The following TMPRSS11F variants were observed in gnomAD, a reference collection of about 807,000 sequenced individuals.
TMPRSS11F encodes transmembrane protease serine 11F.
TMPRSS11F carries 47 observed loss-of-function variants against 60.2 expected under a neutral mutation model. The observed-to-expected ratio is 0.78, with a 90% CI of 0.62 to 1.00. TMPRSS11F has a LOEUF of 1.00. Among genes scored for constraint, TMPRSS11F ranks in the 50% least tolerant of loss-of-function variants. The pLI is 0.00. For missense variants in TMPRSS11F, 519 were observed against 522.9 expected, an observed-to-expected ratio of 0.99 and a Z score of 0.07; for synonymous variants, 166 against 167.3, an observed-to-expected ratio of 0.99 and a Z score of 0.06.
chr4:68,090,204 T>C (rs985441550), intron 3 of TMPRSS11F, among the ~76,000 whole-genome samples: 3 of 152,144 alleles, frequency 2.0e-5, no homozygotes, highest in Non-Finnish European at 4.4e-5. Context: ...TCTATATTCT[T>C]ATGTTAAAAA....
At chr4:68,112,250 A>C (rs373128186) in intron 1 of TMPRSS11F, among the ~76,000 whole-genome samples, 12 of 152,146 alleles carry the variant, frequency 7.9e-5, no homozygotes, top group Middle Eastern at 6.8e-3. Context: ...ACATGCCCCC[A>C]CACTTAACTG....
chr4:68,082,082 A>G (rs1347388020), intron 3 of TMPRSS11F, among the ~76,000 whole-genome samples: 1 of 152,180 alleles, frequency 6.6e-6, no homozygotes, highest in Non-Finnish European at 1.5e-5. Flanking sequence ...GAGTTGATAG[A>G]GAGGCAATGC....
intron 3 of TMPRSS11F, among the ~76,000 whole-genome samples, chr4:68,085,757 A>T (rs1560401232): frequency 6.6e-6 from 1 of 152,188 alleles, no homozygotes; most frequent in Admixed American, 6.5e-5. Context: ...AACAAAAAGC[A>T]GCAAGAACGG....
rs749395360 is a variant in TMPRSS11F, at chr4:68,063,253, CACCTT to C, written c.1015+1427_1015+1431del. On this transcript the variant is annotated intron_variant, in intron 8 of 9. Coordinates refer to ENST00000356291, the MANE Select transcript of TMPRSS11F (RefSeq NM_207407.2). ...TCATGTACTCCACAGGTTCTCTCTCCACCTTCAATCGCCATGATGAGCTCACCATG... is the reference window on the plus strand; with the variant it reads ...TCATGTACTCCACAGGTTCTCTCTCCCAATCGCCATGATGAGCTCACCATG... 1.9e-5 allele frequency: 11 copies of C among 571,280 alleles called. No homozygotes were observed. In the East Asian group the frequency reaches 3.7e-4, roughly 19 times the overall value. The allele number at this position is 571,280 out of a possible 1,614,324, so 35.4% of individuals were successfully genotyped here.
intron 1 of TMPRSS11F, among the ~76,000 whole-genome samples, chr4:68,115,356 CAAAAAAA>C (rs57550471): frequency 8.0e-5 from 6 of 74,690 alleles, no homozygotes; most frequent in Admixed American, 1.8e-4. Context: ...GACACCATCT[CAAAAAAA>C]AAAAAAAAAA....
chr4:68,065,041 T>C (rs968025830), intron 7 of TMPRSS11F, 97 bp from the exon 8 acceptor site: 315 of 1,238,504 alleles, frequency 2.5e-4, no homozygotes, highest in Non-Finnish European at 3.2e-4. Context: ...ATTATGCTCC[T>C]GAAACATTCT....
chr4:68,086,054 C>T (rs1195955728), intron 3 of TMPRSS11F, among the ~76,000 whole-genome samples: 1 of 152,120 alleles, frequency 6.6e-6, no homozygotes, highest in Non-Finnish European at 1.5e-5. Flanking sequence ...CAGAATACTA[C>T]ACCCAACAAC....
At chr4:68,057,978 T>C (rs942630857) in intron 9 of TMPRSS11F, among the ~76,000 whole-genome samples, 3 of 152,196 alleles carry the variant, frequency 2.0e-5, no homozygotes, top group Non-Finnish European at 4.4e-5. Flanking sequence ...GAAAGACATA[T>C]ACTACATCAT....
chr4:68,055,403 G>A (rs940618921), intron 9 of TMPRSS11F, among the ~76,000 whole-genome samples: 4 of 152,146 alleles, frequency 2.6e-5, no homozygotes, highest in African/African-American at 9.7e-5. Flanking sequence ...TAGTTGTCTG[G>A]TCAAGGGAGG....
At chr4:68,087,878 C>T (rs1196148211) in intron 3 of TMPRSS11F, among the ~76,000 whole-genome samples, 1 of 114,328 alleles carries the variant, frequency 8.7e-6, no homozygotes, top group Non-Finnish European at 1.7e-5. Flanking sequence ...CCTCCCCCCA[C>T]CCCACAACAG....
intron 8 of TMPRSS11F, among the ~76,000 whole-genome samples, chr4:68,063,563 T>G (rs1723251806): frequency 6.6e-6 from 1 of 152,032 alleles, no homozygotes; most frequent in Admixed American, 6.5e-5. Context: ...GTATTTTTAG[T>G]AGAGACGGAG....
chr4:68,061,568 C>A (rs1197166984), intron 8 of TMPRSS11F, among the ~76,000 whole-genome samples: 1 of 152,146 alleles, frequency 6.6e-6, no homozygotes, highest in African/African-American at 2.4e-5. Flanking sequence ...CTGCTTTAGG[C>A]AGTGTTGGTT....
At chr4:68,108,984 T>C (rs1407488109) in intron 1 of TMPRSS11F, among the ~76,000 whole-genome samples, 1 of 152,196 alleles carries the variant, frequency 6.6e-6, no homozygotes, top group African/African-American at 2.4e-5. Context: ...AACACTACCA[T>C]AATGTTGTCT....
intron 9 of TMPRSS11F, among the ~76,000 whole-genome samples, chr4:68,057,731 C>A (rs1235269159): frequency 6.6e-6 from 1 of 151,982 alleles, no homozygotes; most frequent in Non-Finnish European, 1.5e-5. Flanking sequence ...AGAAGACATA[C>A]AAATGACCAT....
At chr4:68,115,008 A>AG (rs1724486204) in intron 1 of TMPRSS11F, among the ~76,000 whole-genome samples, 1 of 149,772 alleles carries the variant, frequency 6.7e-6, no homozygotes, top group Admixed American at 6.6e-5. Flanking sequence ...AAAAAAAAAA[A>AG]AAAAGAAGAA....
intron 3 of TMPRSS11F, among the ~76,000 whole-genome samples, chr4:68,074,724 T>A (rs1449938862): frequency 6.6e-6 from 1 of 152,200 alleles, no homozygotes; most frequent in Non-Finnish European, 1.5e-5. Context: ...CCATTGGAAA[T>A]TTTTCAGTAT....
Position 68,053,986 on chromosome 4 carries a change from C to T in TMPRSS11F, c.1240G>A (p.Ala414Thr). The T allele has an allele frequency of 6.2e-7, 1 of 1,612,982 alleles. No individual in the cohort carries two copies. Among genetic ancestry groups the T allele is most frequent in the Non-Finnish European group, 8.5e-7 (1 of 1,179,408 alleles). Reference protein sequence around the residue: ...VGIVSWGQSCALPKKPGVYTR... With the variant: ...VGIVSWGQSCTLPKKPGVYTR... ...TAGACTCCAGGTTTTTTGGGAAGTG[C>T]ACATGATTGTCCCCAACTTACTATA... The change falls in exon 10 of 10, where the codon GCA (alanine) becomes ACA (threonine). Residue 414 changes from alanine (A) to threonine (T), a missense_variant. By Grantham distance (58) the Ala-to-Thr change is moderately conservative. Transcript: ENST00000356291.
intron 3 of TMPRSS11F, among the ~76,000 whole-genome samples, chr4:68,082,038 A>T (rs1481157737): frequency 1.3e-5 from 2 of 152,208 alleles, no homozygotes; most frequent in East Asian, 3.8e-4. Context: ...AAGCCAACAT[A>T]CATCAAACAG....
chr4:68,066,943 A>AG (rs1439855693), intron 7 of TMPRSS11F, among the ~76,000 whole-genome samples: 3 of 152,050 alleles, frequency 2.0e-5, no homozygotes, highest in Non-Finnish European at 4.4e-5. Context: ...CAAAAAAAAA[A>AG]AAAAAAAATT....
Sources: gnomAD v4.1 joint callset for allele counts (sites outside exome capture counted in the v4.1 genomes callset) on GRCh38, gnomAD v4.1.1 for gene constraint, MANE v1.5 for transcripts, NCBI Gene and HGNC (gene_info 2026-07-23, HGNC 2026-07-21) for gene names.